Variants in EPS15L1 observed in about 807,000 individuals in gnomAD.
EPS15L1 encodes epidermal growth factor receptor pathway substrate 15 like 1.
EPS15L1 carries 43 observed loss-of-function variants against 117.1 expected under a neutral mutation model. That is an observed-to-expected ratio of 0.37 (90% CI 0.29 to 0.47). The LOEUF is 0.47. Among genes scored for constraint, EPS15L1 ranks in the 20% least tolerant of loss-of-function variants. The pLI is 0.99. For missense variants in EPS15L1, 981 were observed against 1,164.0 expected (o/e 0.84, Z 2.29); for synonymous variants, 459 against 470.5 (o/e 0.98, Z 0.32).
intron 16 of EPS15L1, 160 bp downstream of exon 16, chr19:16,402,161 G>A: frequency 5.6e-6 from 8 of 1,418,448 alleles, no homozygotes; most frequent in Non-Finnish European, 7.4e-6. Flanking sequence ...AGGCTGCAAG[G>A]CCTGGTGTGA....
rs937379759 is a variant in EPS15L1 at position 16,391,533 on chromosome 19, C to T, written c.2103+771G>A. 2.6e-5 allele frequency among the ~76,000 whole-genome samples: 4 copies of T among 151,544 alleles called. No individual in the cohort carries two copies. The East Asian group carries it at 5.8e-4, about 22-fold the overall frequency. On this transcript the variant is annotated intron_variant, in intron 19 of 23. Transcript: ENST00000455140. ...TGAGTGCCCGTCTCTGAGCAGGCCC[C>T]GGGCCTGGGTTGCAGCCTAGAAAAC...
intron 1 of EPS15L1, among the ~76,000 whole-genome samples, chr19:16,446,300 G>A (rs774968955): frequency 6.6e-6 from 1 of 152,284 alleles, no homozygotes; most frequent in Non-Finnish European, 1.5e-5. Context: ...ATCCCCGCAC[G>A]TGGCCGAGGG....
intron 6 of EPS15L1, 175 bp downstream of exon 6, chr19:16,436,762 C>T (rs1014126689): frequency 1.1e-5 from 6 of 531,304 alleles, no homozygotes; most frequent in Admixed American, 7.2e-5. Flanking sequence ...TTAGAAGAGG[C>T]GTTTCATCCA....
chr19:16,396,945 T>C (rs1001317977), intron 16 of EPS15L1, among the ~76,000 whole-genome samples: 1 of 150,356 alleles, frequency 6.7e-6, no homozygotes, highest in South Asian at 2.1e-4. Context: ...CCAGGGGCTG[T>C]GGGTGGGGGG....
chr19:16,452,541 G>C (rs1290755407), intron 1 of EPS15L1, among the ~76,000 whole-genome samples: 1 of 151,120 alleles, frequency 6.6e-6, no homozygotes, highest in Non-Finnish European at 1.5e-5. Flanking sequence ...GATTGCCTGA[G>C]GCCAGGAATT....
At chr19:16,355,900 C>T (rs781173129) in intron 23 of EPS15L1, 49 bp from the exon 24 acceptor site, 1 of 1,525,120 alleles carries the variant, frequency 6.6e-7, no homozygotes, top group Non-Finnish European at 8.8e-7. Flanking sequence ...GGGCTGGGAC[C>T]TGCAAGCTGG....
chr19:16,461,610 A>G (rs1006561124), intron 1 of EPS15L1, among the ~76,000 whole-genome samples: 2 of 152,006 alleles, frequency 1.3e-5, no homozygotes, highest in African/African-American at 4.8e-5. Context: ...TCACAGAGTG[A>G]GACTCTGTCT....
intron 16 of EPS15L1, among the ~76,000 whole-genome samples, chr19:16,399,690 T>A (rs2092577490): frequency 6.6e-6 from 1 of 151,736 alleles, no homozygotes; most frequent in Non-Finnish European, 1.5e-5. Context: ...GGTTTTTTTT[T>A]TTTTTTTAGA....
At position 16,405,955 on chromosome 19, in the gene EPS15L1, C is replaced by T. The variant is rs988973606; in HGVS notation, c.1267-1206G>A. On this transcript the variant is annotated intron_variant, in intron 13 of 23. Transcript: ENST00000455140. This position sits in a 1 kb window ranked among gnomAD's most constrained non-coding sequence, Gnocchi z 4.0. Reference sequence around the variant, plus strand: ...AGCGTGGTGCAAGGGGCCATCAGGACGCAGGAACTGCAGGGGCCTCGGGTG... The same window carrying T: ...AGCGTGGTGCAAGGGGCCATCAGGATGCAGGAACTGCAGGGGCCTCGGGTG... Among the ~76,000 whole-genome samples, 10 of 152,210 alleles carry T rather than the reference C, an allele frequency of 6.6e-5. No individual in the cohort carries two copies. Among genetic ancestry groups the T allele is most frequent in the Middle Eastern group, 3.2e-3 (1 of 316 alleles).
chr19:16,378,967 G>A (rs1408644881), intron 21 of EPS15L1, among the ~76,000 whole-genome samples: 2 of 152,124 alleles, frequency 1.3e-5, no homozygotes, highest in Admixed American at 1.3e-4. Flanking sequence ...ATAACACTGC[G>A]ACAGGAAACA....
chr19:16,457,517 C>T (rs1290039420), intron 1 of EPS15L1, among the ~76,000 whole-genome samples: 1 of 152,104 alleles, frequency 6.6e-6, no homozygotes, highest in Non-Finnish European at 1.5e-5. Flanking sequence ...GGAGGAGGCT[C>T]CACCACAGGA....
chr19:16,442,649 G>T (rs1321062524), intron 1 of EPS15L1, among the ~76,000 whole-genome samples: 1 of 152,136 alleles, frequency 6.6e-6, no homozygotes, highest in African/African-American at 2.4e-5. Flanking sequence ...GCAAGCTTTC[G>T]ACCAGTTTCC....
rs181184506 is a variant in EPS15L1 at position 16,358,759 on chromosome 19, T to C, written c.2587-2908A>G. On this transcript the variant is annotated intron_variant, in intron 23 of 23. Transcript: ENST00000455140. ...CTTCCACCCCACCATGTGCAGGACA[T>C]GCCTAGCCACTTCCCATTCATTCAT... Among the ~76,000 whole-genome samples the C allele has an allele frequency of 3.7e-4, 57 of 152,346 alleles. No homozygotes were observed. In the South Asian group the frequency reaches 3.9e-3, roughly 11 times the overall value.
rs2092201715 is a variant in EPS15L1, at chr19:16,370,215, G to A, written c.2380+6907C>T. ...TATGGCCAGATTCCCCATTGCCCGA[G>A]TGCATGTGATATTTTGCAGTTAGCA... On this transcript the variant is annotated intron_variant, in intron 22 of 23. Transcript: ENST00000455140. The surrounding 1 kb of genome is among the most constrained non-coding windows in gnomAD (Gnocchi z 5.2). Among the ~76,000 whole-genome samples the A allele has an allele frequency of 6.6e-6, 1 of 152,154 alleles. No homozygotes were observed. Among genetic ancestry groups the A allele is most frequent in the African/African-American group, 2.4e-5 (1 of 41,442 alleles).
chr19:16,469,706 C>T (rs1568478263), intron 1 of EPS15L1, among the ~76,000 whole-genome samples: 1 of 151,864 alleles, frequency 6.6e-6, no homozygotes, highest in Non-Finnish European at 1.5e-5. Context: ...GAAAACACAC[C>T]CCTCCTCCCC....
chr19:16,471,010 T>C lies in EPS15L1; in HGVS notation c.33+903A>G, dbSNP rs981894602. Among the ~76,000 whole-genome samples the C allele has an allele frequency of 3.9e-5, 6 of 152,216 alleles. No homozygotes were observed. The highest frequency in any genetic ancestry group is 1.3e-4 in the Admixed American group (2 of 15,272). ...GAGAAATCGGGGCTGGAGCCAAGAT[T>C]TGAACACATGATCTGACCCTGTGTC... is the stretch of plus-strand genomic sequence containing the variant. On this transcript the variant is annotated intron_variant, in intron 1 of 23. Coordinates refer to ENST00000455140, the MANE Select transcript of EPS15L1 (RefSeq NM_001258374.3). The surrounding 1 kb of genome is among the most constrained non-coding windows in gnomAD (Gnocchi z 4.8).
At chr19:16,402,158 A>T in intron 16 of EPS15L1, 163 bp downstream of exon 16, 17 of 1,400,508 alleles carry the variant, frequency 1.2e-5, no homozygotes, top group Non-Finnish European at 1.6e-5. Flanking sequence ...GCCAGGCTGC[A>T]AGGCCTGGTG....
chr19:16,369,676 AGTGTGTGTGTGTGT>A (rs10543332), intron 22 of EPS15L1, among the ~76,000 whole-genome samples: 22 of 146,140 alleles, frequency 1.5e-4, no homozygotes, highest in Admixed American at 1.0e-3. Flanking sequence ...AAGAAAAAAA[AGTGTGTGTGTGTGT>A]GTGTGTGTGT....
Position 16,406,198 on chromosome 19 carries a change from C to T in EPS15L1, c.1267-1449G>A, listed in dbSNP as rs144494215. Reference sequence around the variant, plus strand: ...CTATGGGGACAAAAACATCCTGGTGCTTCCCTGCCTCGATAGGCAAATCAT... The same window carrying T: ...CTATGGGGACAAAAACATCCTGGTGTTTCCCTGCCTCGATAGGCAAATCAT... On this transcript the variant is annotated intron_variant, in intron 13 of 23. Coordinates refer to ENST00000455140, the MANE Select transcript of EPS15L1 (RefSeq NM_001258374.3). Among the ~76,000 whole-genome samples the T allele has an allele frequency of 4.4e-3, 672 of 152,296 alleles. 3 individuals carry two copies. The highest frequency in any genetic ancestry group is 7.6e-3 in the Non-Finnish European group (520 of 68,026).
Sources: allele counts gnomAD v4.1 joint callset (sites outside exome capture counted in the v4.1 genomes callset), GRCh38; gene constraint gnomAD v4.1.1; non-coding constraint Gnocchi (gnomAD v3.1); transcripts MANE v1.5; gene names NCBI Gene and HGNC (gene_info 2026-07-23, HGNC 2026-07-21).